The following CNTNAP2 variants were observed in gnomAD, a reference collection of about 807,000 sequenced individuals.
CNTNAP2 encodes the protein contactin associated protein 2.
A neutral mutation model predicts 155.2 loss-of-function variants in CNTNAP2; 98 were observed. The ratio of observed to expected loss-of-function variants is 0.63; its 90% CI spans 0.54 to 0.75. The LOEUF (loss-of-function observed/expected upper bound fraction) is 0.75. Among genes scored for constraint, CNTNAP2 ranks in the 30% least tolerant of loss-of-function variants. The pLI is 0.00. For missense variants in CNTNAP2, 1,727 were observed against 1,688.1 expected (o/e 1.02, Z -0.40); for synonymous variants, 651 against 631.2 (o/e 1.03, Z -0.47).
intron 19 of CNTNAP2, among the ~76,000 whole-genome samples, chr7:148,225,118 G>A (rs1346340257): frequency 6.6e-6 from 1 of 152,200 alleles, no homozygotes; most frequent in Non-Finnish European, 1.5e-5. Flanking sequence ...ATTGGGAATA[G>A]TCATAAAGAA....
intron 2 of CNTNAP2, among the ~76,000 whole-genome samples, chr7:146,827,475 A>G (rs112309165): frequency 0.017 from 2,617 of 150,990 alleles, 72 homozygotes; most frequent in African/African-American, 0.057. Context: ...ATTCCTTGTG[A>G]TCTGCGTGGA....
At chr7:148,053,136 G>T (rs1029570540) in intron 15 of CNTNAP2, among the ~76,000 whole-genome samples, 1 of 152,110 alleles carries the variant, frequency 6.6e-6, no homozygotes, top group Non-Finnish European at 1.5e-5. Context: ...AAGAAATTAT[G>T]ATAGAACACT....
chr7:147,648,242 A>G (rs763556233), intron 13 of CNTNAP2, among the ~76,000 whole-genome samples: 17 of 152,200 alleles, frequency 1.1e-4, no homozygotes, highest in Non-Finnish European at 1.6e-4. Flanking sequence ...AGGTCCCAGG[A>G]GAGAAAGAAG....
intron 13 of CNTNAP2, among the ~76,000 whole-genome samples, chr7:147,721,653 A>T (rs181054689): frequency 2.6e-4 from 40 of 152,262 alleles, no homozygotes; most frequent in African/African-American, 9.6e-4. Flanking sequence ...TCATCTAAAA[A>T]ATAAATCAGT....
chr7:147,864,829 G>C (rs190828781), intron 13 of CNTNAP2, among the ~76,000 whole-genome samples: 1,740 of 152,286 alleles, frequency 0.011, 23 homozygotes, highest in African/African-American at 0.039. Context: ...ATTTGGGGCT[G>C]AGACGATAGG....
chr7:148,118,428 C>G, intron 16 of CNTNAP2, 140 bp downstream of exon 16: 1 of 939,880 alleles, frequency 1.1e-6, no homozygotes, highest in Non-Finnish European at 1.6e-6. Flanking sequence ...GGTGGACACA[C>G]AAGCCTGAGT....
intron 10 of CNTNAP2, among the ~76,000 whole-genome samples, chr7:147,483,648 G>C (rs1363096724): frequency 6.6e-6 from 1 of 152,044 alleles, no homozygotes; most frequent in Non-Finnish European, 1.5e-5. Flanking sequence ...ATATTAACCC[G>C]CAATAATTTA....
chr7:148,075,152 T>C (rs185221537), intron 15 of CNTNAP2, among the ~76,000 whole-genome samples: 172 of 152,238 alleles, frequency 1.1e-3, no homozygotes, highest in Middle Eastern at 6.8e-3. Context: ...TAAAAAAAAA[T>C]TAGGTCAGGT....
At chr7:147,574,176 G>A (rs1461599326) in intron 12 of CNTNAP2, among the ~76,000 whole-genome samples, 1 of 151,784 alleles carries the variant, frequency 6.6e-6, no homozygotes, top group Non-Finnish European at 1.5e-5. Context: ...TTTTCTAATG[G>A]CGTTCTATTA....
rs577935682 is a variant in CNTNAP2 at position 147,105,884 on chromosome 7, C to G, written c.551-2263C>G. 5.3e-5 allele frequency among the ~76,000 whole-genome samples: 8 copies of G among 152,090 alleles called. No homozygotes were observed. The East Asian group carries it at 1.5e-3, about 29-fold the overall frequency. On this transcript the variant is annotated intron_variant, in intron 4 of 23. Coordinates refer to ENST00000361727, the MANE Select transcript of CNTNAP2 (RefSeq NM_014141.6). ...TACCATTTGTAAAGTGAGACTTGGT[C>G]TACATGAATAGCTGTCCTTCCTGTT...
intron 1 of CNTNAP2, among the ~76,000 whole-genome samples, chr7:146,371,941 A>G (rs1181733651): frequency 4.0e-5 from 6 of 150,696 alleles, no homozygotes; most frequent in South Asian, 4.2e-4. Flanking sequence ...CCTGGGCGAC[A>G]GAGTGAAACT....
chr7:147,993,324 T>A (rs1238138932), intron 15 of CNTNAP2, among the ~76,000 whole-genome samples: 2 of 152,258 alleles, frequency 1.3e-5, no homozygotes, highest in East Asian at 3.8e-4. Context: ...TTTACTTTGT[T>A]ACTTAGGTAT....
At chr7:146,148,945 A>C (rs540068359) in intron 1 of CNTNAP2, among the ~76,000 whole-genome samples, 2 of 151,444 alleles carry the variant, frequency 1.3e-5, no homozygotes, top group Non-Finnish European at 2.9e-5. Flanking sequence ...TGTTTACTCC[A>C]TATATGTCAA....
At chr7:147,426,861 A>C (rs1035317613) in intron 10 of CNTNAP2, among the ~76,000 whole-genome samples, 1 of 152,072 alleles carries the variant, frequency 6.6e-6, no homozygotes, top group Non-Finnish European at 1.5e-5. Flanking sequence ...ATACTCTTAT[A>C]CTCATCCTGT....
intron 13 of CNTNAP2, among the ~76,000 whole-genome samples, chr7:147,682,606 G>A (rs1229166859): frequency 6.6e-6 from 1 of 151,800 alleles, no homozygotes; most frequent in African/African-American, 2.4e-5. Context: ...GTGAGACTGA[G>A]CCCATCAGCA....
chr7:146,734,055 AAATAAT>A (rs1801570687), intron 1 of CNTNAP2, among the ~76,000 whole-genome samples: 1 of 152,052 alleles, frequency 6.6e-6, no homozygotes, highest in Non-Finnish European at 1.5e-5. Flanking sequence ...CCCTTGCTTA[AAATAAT>A]AATAATAAAG....
At chr7:148,281,567 C>G (rs1182854453) in intron 21 of CNTNAP2, among the ~76,000 whole-genome samples, 1 of 152,136 alleles carries the variant, frequency 6.6e-6, no homozygotes, top group Non-Finnish European at 1.5e-5. Flanking sequence ...TCTTAATGTC[C>G]AGAATCTTCT....
chr7:146,470,886 A>G (rs1434422371), intron 1 of CNTNAP2, among the ~76,000 whole-genome samples: 2 of 151,742 alleles, frequency 1.3e-5, no homozygotes, highest in African/African-American at 2.4e-5. Flanking sequence ...ATTTTTTTTT[A>G]TCTGAATCCC....
intron 8 of CNTNAP2, among the ~76,000 whole-genome samples, chr7:147,143,880 G>A (rs115480636): frequency 0.018 from 2,698 of 152,198 alleles, 66 homozygotes; most frequent in African/African-American, 0.06. Flanking sequence ...GGAGCATGAC[G>A]TGAAGTAAAG....
Sources: gnomAD v4.1 joint callset for allele counts (sites outside exome capture counted in the v4.1 genomes callset) on GRCh38, gnomAD v4.1.1 for gene constraint, MANE v1.5 for transcripts, NCBI Gene and HGNC (gene_info 2026-07-23, HGNC 2026-07-21) for gene names.